The following SLC35F1 variants were observed in gnomAD, a reference collection of about 807,000 sequenced individuals.
The protein encoded by SLC35F1 is solute carrier family 35 member F1, also known as chromosome 6 open reading frame 169.
Under a neutral mutation model 48.7 loss-of-function variants are expected in SLC35F1, and 14 were observed. That is an observed-to-expected ratio of 0.29 (90% CI 0.19 to 0.45). SLC35F1 has a LOEUF of 0.45. Ranked by LOEUF, SLC35F1 falls within the 20% of genes least tolerant of loss-of-function variation. The pLI is 1.00. For missense variants in SLC35F1, 404 were observed against 500.0 expected (o/e 0.81, Z 1.83); for synonymous variants, 190 against 202.2 (o/e 0.94, Z 0.51).
chr6:118,303,263 A>G (rs931881007), intron 7 of SLC35F1, among the ~76,000 whole-genome samples: 2 of 152,226 alleles, frequency 1.3e-5, no homozygotes, highest in Admixed American at 1.3e-4. Context: ...CAAGTTTATC[A>G]ATAATCCATT....
intron 1 of SLC35F1, among the ~76,000 whole-genome samples, chr6:117,939,837 C>G (rs2114818818): frequency 6.6e-6 from 1 of 152,142 alleles, no homozygotes; most frequent in African/African-American, 2.4e-5. Context: ...GGAGTGGGGA[C>G]AGGTCATTGC....
chr6:118,244,454 C>T (rs755976412), intron 3 of SLC35F1, among the ~76,000 whole-genome samples: 2 of 152,234 alleles, frequency 1.3e-5, no homozygotes, highest in African/African-American at 2.4e-5. Context: ...TATTGATACT[C>T]ATTTTAAATT....
intron 7 of SLC35F1, among the ~76,000 whole-genome samples, chr6:118,304,826 C>T (rs1478757863): frequency 6.6e-6 from 1 of 150,854 alleles, no homozygotes; most frequent in Non-Finnish European, 1.5e-5. Flanking sequence ...GGGAACTTGT[C>T]CAAGACACAG....
intron 1 of SLC35F1, among the ~76,000 whole-genome samples, chr6:118,124,771 A>G (rs1296041914): frequency 6.6e-6 from 1 of 152,152 alleles, no homozygotes; most frequent in East Asian, 1.9e-4. Context: ...TCATCTCAGG[A>G]ACACTTCAGG....
intron 1 of SLC35F1, among the ~76,000 whole-genome samples, chr6:117,922,039 C>T (rs1207437898): frequency 2.0e-5 from 3 of 152,118 alleles, no homozygotes; most frequent in African/African-American, 4.8e-5. Flanking sequence ...GATTTAAGAT[C>T]CAAGGATTCT....
At chr6:118,252,180 T>C (rs1480456981) in intron 3 of SLC35F1, among the ~76,000 whole-genome samples, 2 of 152,154 alleles carry the variant, frequency 1.3e-5, no homozygotes, top group Non-Finnish European at 2.9e-5. Context: ...TTTGTATTTT[T>C]AGATCGTCAT....
chr6:118,073,696 T>G (rs914703927), intron 1 of SLC35F1, among the ~76,000 whole-genome samples: 3 of 149,744 alleles, frequency 2.0e-5, no homozygotes, highest in African/African-American at 2.4e-5. Flanking sequence ...ATACATGTTA[T>G]TTTTTATATC....
Position 118,042,204 on chromosome 6 carries a change from G to A in SLC35F1, c.174-112241G>A, listed in dbSNP as rs112945806. Among the ~76,000 whole-genome samples, 79 of 152,252 alleles carry A rather than the reference G, an allele frequency of 5.2e-4. 1 individual carries two copies. Among genetic ancestry groups the A allele is most frequent in the African/African-American group, 1.8e-3 (73 of 41,544 alleles). On this transcript the variant is annotated intron_variant, in intron 1 of 7. Coordinates refer to ENST00000360388, the MANE Select transcript of SLC35F1 (RefSeq NM_001029858.4). ...GAGAATGCACTATGTTCCAGGCACTGTGCTAGACACTAGGAATACAAAGAT... is the reference window on the plus strand; with the variant it reads ...GAGAATGCACTATGTTCCAGGCACTATGCTAGACACTAGGAATACAAAGAT...
chr6:118,247,484 G>C (rs193186038), intron 3 of SLC35F1, among the ~76,000 whole-genome samples: 26 of 152,160 alleles, frequency 1.7e-4, no homozygotes, highest in African/African-American at 6.3e-4. Context: ...GCTAAGCTTT[G>C]TCTGCAATGA....
intron 2 of SLC35F1, among the ~76,000 whole-genome samples, chr6:118,219,563 G>C (rs186415761): frequency 2.0e-4 from 30 of 152,208 alleles, no homozygotes; most frequent in Admixed American, 2.6e-4. Flanking sequence ...CACTGTTGGT[G>C]GGACTGTAGA....
At chr6:117,993,215 C>T (rs755194359) in intron 1 of SLC35F1, among the ~76,000 whole-genome samples, 2 of 152,114 alleles carry the variant, frequency 1.3e-5, no homozygotes, top group South Asian at 4.1e-4. Flanking sequence ...TTTAGCTCTT[C>T]TGGAGCCTGA....
intron 1 of SLC35F1, among the ~76,000 whole-genome samples, chr6:117,949,588 G>A (rs1358953553): frequency 2.0e-5 from 3 of 152,044 alleles, no homozygotes; most frequent in African/African-American, 4.8e-5. Context: ...CAGAAAAAAA[G>A]CCTCCATCCT....
chr6:118,066,906 C>T (rs1772624237), intron 1 of SLC35F1, among the ~76,000 whole-genome samples: 1 of 151,914 alleles, frequency 6.6e-6, no homozygotes, highest in Non-Finnish European at 1.5e-5. Context: ...ACTCCTTCAC[C>T]CCGCCCCACT....
intron 7 of SLC35F1, among the ~76,000 whole-genome samples, chr6:118,309,685 T>C (rs1008896790): frequency 6.6e-6 from 1 of 152,226 alleles, no homozygotes; most frequent in Non-Finnish European, 1.5e-5. Flanking sequence ...TTTAAGTCCA[T>C]TGAAGTCATT....
At chr6:118,167,884 C>A (rs532323752) in intron 2 of SLC35F1, among the ~76,000 whole-genome samples, 1 of 152,192 alleles carries the variant, frequency 6.6e-6, no homozygotes, top group Non-Finnish European at 1.5e-5. Context: ...ACCAAAACAT[C>A]GTTATACAGC....
chr6:118,233,617 A>G (rs1775325072), intron 2 of SLC35F1, among the ~76,000 whole-genome samples: 2 of 152,194 alleles, frequency 1.3e-5, no homozygotes, highest in Admixed American at 6.5e-5. Flanking sequence ...GCTAGAGGCT[A>G]TGGATAAGTA....
intron 1 of SLC35F1, among the ~76,000 whole-genome samples, chr6:118,036,420 T>G (rs1562270486): frequency 6.6e-6 from 1 of 152,214 alleles, no homozygotes; most frequent in Non-Finnish European, 1.5e-5. Context: ...TTAAGACTTG[T>G]TTTAAATCCA....
chr6:118,260,149 C>A (rs1013400041), intron 3 of SLC35F1, among the ~76,000 whole-genome samples: 1 of 152,026 alleles, frequency 6.6e-6, no homozygotes, highest in Non-Finnish European at 1.5e-5. Context: ...TGATTTCATT[C>A]ATATGAAATA....
At chr6:118,144,951 C>T (rs1773949681) in intron 1 of SLC35F1, among the ~76,000 whole-genome samples, 1 of 151,942 alleles carries the variant, frequency 6.6e-6, no homozygotes, top group South Asian at 2.1e-4. Context: ...TTTTTAATAA[C>T]AAATTTGTTG....
Sources: allele counts gnomAD v4.1 joint callset (sites outside exome capture counted in the v4.1 genomes callset), GRCh38; gene constraint gnomAD v4.1.1; transcripts MANE v1.5; gene names NCBI Gene and HGNC (gene_info 2026-07-23, HGNC 2026-07-21).